The following UBAC2 variants were observed in gnomAD, a reference collection of about 807,000 sequenced individuals.
UBAC2 encodes the protein ubiquitin-associated domain-containing protein 2.
Under a neutral mutation model 44.0 loss-of-function variants are expected in UBAC2, and 26 were observed. That is an observed-to-expected ratio of 0.59 (90% CI 0.43 to 0.82). The LOEUF (loss-of-function observed/expected upper bound fraction) is 0.82, where lower values mean the gene tolerates loss of function less well. Among genes scored for constraint, UBAC2 ranks in the 40% least tolerant of loss-of-function variants. The pLI, the probability that UBAC2 is intolerant of heterozygous loss-of-function variation, is 0.00. For missense variants in UBAC2, 329 were observed against 419.4 expected (o/e 0.78, Z 1.88); for synonymous variants, 155 against 154.3 (o/e 1.00, Z -0.04).
At chr13:99,327,172 A>G (rs950513731) in intron 6 of UBAC2, among the ~76,000 whole-genome samples, 2 of 152,178 alleles carry the variant, frequency 1.3e-5, no homozygotes, top group African/African-American at 4.8e-5. Context: ...TATTTCTTGC[A>G]TTGTCATACT....
rs546862774 is a variant in UBAC2, at chr13:99,344,185, C to T, written c.807+3620C>T. ...AGATGCAGGTATTCCCTCATGACCC[C>T]GGAGGCTCAGGGGAGTGCTTGCTTG... On this transcript the variant is annotated intron_variant, in intron 7 of 8. Coordinates refer to ENST00000403766, the MANE Select transcript of UBAC2 (RefSeq NM_001144072.2). Among the ~76,000 whole-genome samples the T allele has an allele frequency of 5.9e-5, 9 of 152,304 alleles. No homozygotes were observed. The East Asian group carries it at 1.2e-3, about 20-fold the overall frequency.
At chr13:99,382,623 A>G (rs1296368321) in intron 8 of UBAC2, among the ~76,000 whole-genome samples, 2 of 152,168 alleles carry the variant, frequency 1.3e-5, no homozygotes, top group Non-Finnish European at 2.9e-5. Flanking sequence ...AAGGAACTGG[A>G]TCCTGAAACA....
intron 7 of UBAC2, among the ~76,000 whole-genome samples, chr13:99,345,741 C>CTTTTTT (rs766632532): frequency 3.1e-5 from 4 of 130,932 alleles, no homozygotes; most frequent in South Asian, 2.4e-4. Context: ...TTTTTTCTTT[C>CTTTTTT]TTTTTTTTTT....
At position 99,385,591 on chromosome 13, in the gene UBAC2, GT is replaced by G. The variant is rs2045609969; in HGVS notation, c.*260del. On this transcript the variant is annotated 3_prime_UTR_variant, in exon 9 of 9. Transcript: ENST00000403766. ...TCCCTAGGTTGGAGAGTCAGCACTC[GT>G]TTTGAATGTGTTTAAAATGCATTAA... The G allele has an allele frequency of 1.5e-5, 7 of 460,232 alleles. No homozygotes were observed. The South Asian group carries it at 2.2e-4, about 15-fold the overall frequency. 28.5% of individuals were successfully genotyped at this position (460,232 alleles called of 1,614,324 possible).
At chr13:99,274,373 C>G (rs2043855981) in intron 4 of UBAC2, among the ~76,000 whole-genome samples, 1 of 151,956 alleles carries the variant, frequency 6.6e-6, no homozygotes, top group African/African-American at 2.4e-5. Flanking sequence ...GCTCTGTTGC[C>G]CAGGCTGGAG....
intron 4 of UBAC2, chr13:99,254,724 CAA>C: frequency 1.6e-6 from 1 of 621,208 alleles, no homozygotes; most frequent in Non-Finnish European, 2.7e-6. Flanking sequence ...GAATAATTCA[CAA>C]AAATGTTTTA....
rs2056547434 is a variant in UBAC2 at position 99,200,914 on chromosome 13, C to T, written c.6C>T (p.Phe2=). M[F]TSTGSSGLYK... ...GCTCCGAGCCCGGCGGGACCATGTT[C>T]ACCAGCACCGGCTCCAGTGGGCTCT... Residue 2 remains phenylalanine (F), a synonymous_variant, in exon 1 of 9, where the codon TTC becomes TTT. Transcript: ENST00000403766. 1.5e-6 allele frequency: 2 copies of T among 1,307,062 alleles called. No homozygotes were observed. Among genetic ancestry groups the T allele is most frequent in the South Asian group, 5.9e-5 (2 of 33,736 alleles). 81.0% of individuals were successfully genotyped at this position (1,307,062 alleles called of 1,614,324 possible). A position where few individuals can be genotyped will look rare whatever the true frequency, so the allele number is the denominator to read the frequency against.
At chr13:99,228,772 G>A (rs978301028) in intron 1 of UBAC2, among the ~76,000 whole-genome samples, 2 of 152,142 alleles carry the variant, frequency 1.3e-5, no homozygotes, top group African/African-American at 4.8e-5. Flanking sequence ...TGAGGAACTC[G>A]GTTAGATTTT....
intron 6 of UBAC2, among the ~76,000 whole-genome samples, chr13:99,323,753 C>G (rs2138788987): frequency 6.6e-6 from 1 of 152,304 alleles, no homozygotes; most frequent in South Asian, 2.1e-4. Flanking sequence ...AAGAAGCCTT[C>G]TATTAATATA....
intron 2 of UBAC2, among the ~76,000 whole-genome samples, chr13:99,239,709 C>A (rs2043278853): frequency 1.3e-5 from 2 of 152,190 alleles, no homozygotes; most frequent in South Asian, 4.1e-4. Flanking sequence ...CTCTTCTGTC[C>A]AGGAATGGGA....
chr13:99,381,767 G>C (rs2138931351), intron 8 of UBAC2, among the ~76,000 whole-genome samples: 1 of 152,328 alleles, frequency 6.6e-6, no homozygotes, highest in Admixed American at 6.5e-5. Context: ...ATGGAGGCTT[G>C]AGAAAGCACA....
intron 1 of UBAC2, among the ~76,000 whole-genome samples, chr13:99,216,711 A>T (rs934673578): frequency 1.3e-5 from 2 of 151,876 alleles, no homozygotes; most frequent in African/African-American, 4.8e-5. Flanking sequence ...GGGTTCTTTT[A>T]TTTTGAAACA....
chr13:99,297,850 A>G (rs2044199647), intron 4 of UBAC2, among the ~76,000 whole-genome samples: 1 of 152,082 alleles, frequency 6.6e-6, no homozygotes, highest in Non-Finnish European at 1.5e-5. Context: ...TAGAAGAGAT[A>G]CAGCTCAAAG....
chr13:99,350,942 C>G (rs935213346), intron 7 of UBAC2, among the ~76,000 whole-genome samples: 2 of 152,156 alleles, frequency 1.3e-5, no homozygotes, highest in Middle Eastern at 3.2e-3. Flanking sequence ...TGAAGCCCCC[C>G]AGCACATCTG....
chr13:99,271,179 T>C (rs567614442), intron 4 of UBAC2, among the ~76,000 whole-genome samples: 1 of 152,266 alleles, frequency 6.6e-6, no homozygotes, highest in Non-Finnish European at 1.5e-5. Flanking sequence ...CAGATCATGA[T>C]CTGTGTTGTA....
intron 4 of UBAC2, among the ~76,000 whole-genome samples, chr13:99,271,648 G>A (rs2043817346): frequency 6.6e-6 from 1 of 152,152 alleles, no homozygotes; most frequent in Non-Finnish European, 1.5e-5. Context: ...CATACTTAGA[G>A]TTTTTAAATT....
intron 4 of UBAC2, among the ~76,000 whole-genome samples, chr13:99,285,118 C>T (rs886668709): frequency 6.6e-6 from 1 of 151,990 alleles, no homozygotes. Flanking sequence ...ATAATGTTAC[C>T]TTACCTAACA....
intron 4 of UBAC2, among the ~76,000 whole-genome samples, chr13:99,291,254 C>T (rs528839492): frequency 2.0e-5 from 3 of 152,272 alleles, no homozygotes; most frequent in Admixed American, 6.5e-5. Flanking sequence ...AGGTCTTAAT[C>T]GAATAGAAAT....
chr13:99,275,986 A>G (rs965089182), intron 4 of UBAC2, among the ~76,000 whole-genome samples: 11 of 152,110 alleles, frequency 7.2e-5, no homozygotes, highest in Admixed American at 2.6e-4. Flanking sequence ...TAAGCCTGGG[A>G]GTCTTAACAT....
Sources: gnomAD v4.1 joint callset for allele counts (sites outside exome capture counted in the v4.1 genomes callset) on GRCh38, gnomAD v4.1.1 for gene constraint, MANE v1.5 for transcripts, NCBI Gene and HGNC (gene_info 2026-07-23, HGNC 2026-07-21) for gene names.